Variants in ZDHHC5 observed in about 807,000 individuals in gnomAD.
ZDHHC5 encodes palmitoyltransferase ZDHHC5.
In ZDHHC5, 22 loss-of-function variants were observed where a neutral mutation model predicts 70.0. The ratio of observed to expected loss-of-function variants is 0.31; its 90% CI spans 0.22 to 0.45. ZDHHC5 has a LOEUF of 0.45. Among genes scored for constraint, ZDHHC5 ranks in the 20% least tolerant of loss-of-function variants. The pLI, the probability that ZDHHC5 is intolerant of heterozygous loss-of-function variation, is 1.00. For missense variants in ZDHHC5, 746 were observed against 926.9 expected (o/e 0.80, Z 2.53); for synonymous variants, 313 against 347.8 (o/e 0.90, Z 1.11).
At position 57,695,998 on chromosome 11, in the gene ZDHHC5, C is replaced by T. The variant is rs759645860; in HGVS notation, c.964C>T (p.Arg322Cys). The T allele has an allele frequency of 2.0e-5, 33 of 1,613,990 alleles. No homozygotes were observed. In the Middle Eastern group the frequency reaches 1.2e-3, roughly 56 times the overall value. The change falls in exon 9 of 12, where the codon CGT becomes TGT. Residue 322 changes from arginine (R) to cysteine (C), a missense_variant. Transcript: ENST00000287169. ...PPPPPKPDLSRYTGLRTHLGL... is the reference protein window; with the variant it reads ...PPPPPKPDLSCYTGLRTHLGL... ...ACCTCCTCCTAAGCCAGACCTGAGC[C>T]GTTACACAGGGTTGCGAACACACCT... is the stretch of plus-strand genomic sequence containing the variant.
At chr11:57,683,145 G>A (rs1461493570) in intron 3 of ZDHHC5, among the ~76,000 whole-genome samples, 2 of 152,210 alleles carry the variant, frequency 1.3e-5, no homozygotes, top group African/African-American at 4.8e-5. Flanking sequence ...TGGGGCTAGA[G>A]GATGTTATGC....
chr11:57,687,389 G>A (rs1020195617), intron 3 of ZDHHC5, among the ~76,000 whole-genome samples: 3 of 151,984 alleles, frequency 2.0e-5, no homozygotes, highest in African/African-American at 4.8e-5. Context: ...TGGGGAACAC[G>A]GTAAAACCCC....
chr11:57,677,026 A>G (rs978440199), intron 2 of ZDHHC5, among the ~76,000 whole-genome samples: 7 of 139,022 alleles, frequency 5.0e-5, no homozygotes, highest in Admixed American at 2.5e-4. Flanking sequence ...GGTTCATGCC[A>G]TTCTCCTGCC....
chr11:57,696,749 T>C lies in ZDHHC5; in HGVS notation c.1010-12T>C, dbSNP rs1337791223. The C allele has an allele frequency of 6.2e-7, 1 of 1,612,722 alleles. No homozygotes were observed. The highest frequency in any genetic ancestry group is 8.5e-7 in the Non-Finnish European group (1 of 1,178,980). ...TTGTAAAATAGTGCCCCCTTGGCCTTTTTTCTTGCAGATAGTAGCTTATTG... is the reference window on the plus strand; with the variant it reads ...TTGTAAAATAGTGCCCCCTTGGCCTCTTTTCTTGCAGATAGTAGCTTATTG... On this transcript the variant is annotated splice_polypyrimidine_tract_variant and intron_variant, in intron 9 of 11. Coordinates refer to ENST00000287169, the MANE Select transcript of ZDHHC5 (RefSeq NM_015457.3).
intron 5 of ZDHHC5, 44 bp from the exon 6 acceptor site, chr11:57,690,291 A>T (rs759975673): frequency 6.2e-7 from 1 of 1,613,932 alleles, no homozygotes; most frequent in South Asian, 1.1e-5. Flanking sequence ...GGCCGGGGAA[A>T]GTGAGGTCAT....
At position 57,698,667 on chromosome 11, in the gene ZDHHC5, A is replaced by G. The variant is rs1946390247; in HGVS notation, c.1231A>G (p.Thr411Ala). 1 of 1,614,078 alleles carries G rather than the reference A, an allele frequency of 6.2e-7. No individual in the cohort carries two copies. Among genetic ancestry groups the G allele is most frequent in the Non-Finnish European group, 8.5e-7 (1 of 1,180,014 alleles). The change falls in exon 11 of 12, where the codon ACC (threonine) becomes GCC (alanine). Residue 411 changes from threonine (T) to alanine (A), a missense_variant. Thr to Ala is a moderately conservative substitution (Grantham distance 58). Around this residue, in one of 6 missense-constraint regions of ZDHHC5, gnomAD observed 179 missense variants for 178.4 expected, o/e 1.00. Coordinates refer to ENST00000287169, the MANE Select transcript of ZDHHC5 (RefSeq NM_015457.3). ...GGAACCAGAGAGCTTCCGTTCTCCT[A>G]CCTTTGGCAAAAGTTTTCACTTCGA... ...SLEPESFRSP[T>A]FGKSFHFDPL... is the part of the protein sequence containing the mutation.
intron 8 of ZDHHC5, among the ~76,000 whole-genome samples, chr11:57,695,345 G>A (rs1312966349): frequency 6.6e-6 from 1 of 151,434 alleles, no homozygotes; most frequent in East Asian, 2.0e-4. Flanking sequence ...GCTTGAACCT[G>A]CGAGCCAGAG....
chr11:57,674,089 G>A lies in ZDHHC5; in HGVS notation c.104+895G>A, dbSNP rs568504017. 1.9e-3 allele frequency among the ~76,000 whole-genome samples: 287 copies of A among 152,310 alleles called. 5 individuals are homozygous for A. The highest frequency in any genetic ancestry group is 0.011 in the South Asian group (54 of 4,824). ...AGGCCACTGAGAAAGGAAAGGGTAA[G>A]TTGTATTTGGGAAGAGAGTCCTAAA... On this transcript the variant is annotated intron_variant, in intron 2 of 11. Coordinates refer to ENST00000287169, the MANE Select transcript of ZDHHC5 (RefSeq NM_015457.3).
At chr11:57,694,708 A>G (rs1946327454) in intron 8 of ZDHHC5, among the ~76,000 whole-genome samples, 1 of 152,238 alleles carries the variant, frequency 6.6e-6, no homozygotes, top group African/African-American at 2.4e-5. Flanking sequence ...GAATTCATTC[A>G]TTTCCATGTC....
intron 9 of ZDHHC5, among the ~76,000 whole-genome samples, chr11:57,696,383 T>C (rs1946352056): frequency 6.6e-6 from 1 of 152,154 alleles, no homozygotes; most frequent in South Asian, 2.1e-4. Context: ...TCCTACCTTG[T>C]CCTCTCCCTG....
chr11:57,687,182 T>G (rs572536883), intron 3 of ZDHHC5, among the ~76,000 whole-genome samples: 4 of 152,324 alleles, frequency 2.6e-5, no homozygotes, highest in African/African-American at 9.6e-5. Flanking sequence ...AAAAATGCTA[T>G]GTAAAGAAAT....
chr11:57,699,101 C>T lies in ZDHHC5; in HGVS notation c.1665C>T (p.Pro555=). 1 of 1,613,878 alleles carries T rather than the reference C, an allele frequency of 6.2e-7. No individual in the cohort carries two copies. The highest frequency in any genetic ancestry group is 8.5e-7 in the Non-Finnish European group (1 of 1,179,896). The stretch of plus-strand genomic sequence containing the variant: ...GAGAGAAGTTGCTGCGCCAGTCACC[C>T]CCACTCCCGGGCCGTGAGGAAGAAC... ...QEREKLLRQS[P]PLPGREEEPG... The change falls in exon 11 of 12, where the codon CCC becomes CCT. Residue 555 remains proline, a synonymous_variant. Transcript: ENST00000287169.
chr11:57,695,815 A>C, intron 8 of ZDHHC5, 105 bp from the exon 9 acceptor site: 1 of 1,422,350 alleles, frequency 7.0e-7, no homozygotes, highest in Non-Finnish European at 9.3e-7. Context: ...AAAAAAATAC[A>C]TGAGAATTGA....
chr11:57,680,231 G>A (rs1946132141), intron 2 of ZDHHC5, among the ~76,000 whole-genome samples: 1 of 151,996 alleles, frequency 6.6e-6, no homozygotes, highest in African/African-American at 2.4e-5. Context: ...CAAAAAATTA[G>A]CCGGGCGTGG....
intron 3 of ZDHHC5, 28 bp from the exon 4 acceptor site, chr11:57,688,480 G>GT (rs751954318): frequency 2.6e-6 from 4 of 1,519,210 alleles, no homozygotes; most frequent in Non-Finnish European, 3.5e-6. Flanking sequence ...TGGCATAGTT[G>GT]TTTTTAATTG....
intron 9 of ZDHHC5, 93 bp from the exon 10 acceptor site, chr11:57,696,668 C>G: frequency 8.8e-7 from 1 of 1,131,376 alleles, no homozygotes; most frequent in Non-Finnish European, 1.3e-6. Flanking sequence ...AATCGTGCCA[C>G]TGCACTCTAG....
chr11:57,671,151 T>C (rs1319591398), intron 1 of ZDHHC5, among the ~76,000 whole-genome samples: 1 of 152,152 alleles, frequency 6.6e-6, no homozygotes, highest in Non-Finnish European at 1.5e-5. Context: ...GGTGATTCAG[T>C]GGAATGTCCT....
chr11:57,696,339 T>C (rs1946351287), intron 9 of ZDHHC5, among the ~76,000 whole-genome samples: 1 of 152,188 alleles, frequency 6.6e-6, no homozygotes, highest in African/African-American at 2.4e-5. Context: ...TGTGAGTCTT[T>C]AAAAGTCTTG....
chr11:57,697,722 C>CGCTTGAACCTGGGAGGAGAATT (rs952253748), intron 10 of ZDHHC5, among the ~76,000 whole-genome samples: 2 of 149,390 alleles, frequency 1.3e-5, no homozygotes, highest in Non-Finnish European at 3.0e-5. Flanking sequence ...CAAGGAGAAT[C>CGCTTGAACCTGGGAGGAGAATT]GCTTGAACCT....
Sources: gnomAD v4.1 joint callset for allele counts (sites outside exome capture counted in the v4.1 genomes callset) on GRCh38, gnomAD v4.1.1 for gene constraint, gnomAD v4.1.1 regional missense constraint, MANE v1.5 for transcripts, NCBI Gene and HGNC (gene_info 2026-07-23, HGNC 2026-07-21) for gene names.